Variants in CHRM3 observed in about 807,000 individuals in gnomAD.
CHRM3 encodes the protein cholinergic receptor muscarinic 3.
A neutral mutation model predicts 41.8 loss-of-function variants in CHRM3; 11 were observed. That is an observed-to-expected ratio of 0.26 (90% CI 0.17 to 0.44). CHRM3 has a LOEUF of 0.44. Among genes scored for constraint, CHRM3 ranks in the 20% least tolerant of loss-of-function variants. The pLI is 1.00. For synonymous variants in CHRM3, 297 were observed against 301.4 expected, an observed-to-expected ratio of 0.99 and a Z score of 0.15; for missense variants, 571 against 745.4, an observed-to-expected ratio of 0.77 and a Z score of 2.72.
At chr1:239,534,768 T>C (rs971856002) in intron 2 of CHRM3, among the ~76,000 whole-genome samples, 21 of 152,206 alleles carry the variant, frequency 1.4e-4, no homozygotes, top group South Asian at 2.1e-4. Context: ...CATGGAACAT[T>C]TAGTATTTTA....
At chr1:239,561,328 G>A (rs557352075) in intron 3 of CHRM3, among the ~76,000 whole-genome samples, 1 of 152,252 alleles carries the variant, frequency 6.6e-6, no homozygotes, top group South Asian at 2.1e-4. Flanking sequence ...AGCCCTGTAT[G>A]GCCATTGCCC....
At position 239,841,322 on chromosome 1, in the gene CHRM3, T is replaced by A. The variant is rs537095903; in HGVS notation, c.-20+13944T>A. Among the ~76,000 whole-genome samples, 7 of 152,272 alleles carry A rather than the reference T, an allele frequency of 4.6e-5. No individual in the cohort carries two copies. In the South Asian group the frequency reaches 1.5e-3, roughly 32 times the overall value. ...ACTGTGAGCTAGTATGCTCTGGAGATGAATTTAAAAGGGATGTGGGATTTG... is the reference window on the plus strand; with the variant it reads ...ACTGTGAGCTAGTATGCTCTGGAGAAGAATTTAAAAGGGATGTGGGATTTG... On this transcript the variant is annotated intron_variant, in intron 6 of 6. Coordinates refer to ENST00000676153, the MANE Select transcript of CHRM3 (RefSeq NM_001375978.1).
chr1:239,909,336 C>A lies in CHRM3; in HGVS notation c.*112C>A. The A allele has an allele frequency of 9.0e-7, 1 of 1,112,286 alleles. No homozygotes were observed. The highest frequency in any genetic ancestry group is 1.3e-6 in the Non-Finnish European group (1 of 789,216). 68.9% of individuals were successfully genotyped at this position (1,112,286 alleles called of 1,614,324 possible). A position where few individuals can be genotyped will look rare whatever the true frequency, so the allele number is the denominator to read the frequency against. The stretch of plus-strand genomic sequence containing the variant: ...GGTGATGATAAAAATGGTTTTATCA[C>A]CCAGATGTGAAAGAAGCTGCCTGTT... On this transcript the variant is annotated 3_prime_UTR_variant, in exon 7 of 7. Coordinates refer to ENST00000676153, the MANE Select transcript of CHRM3 (RefSeq NM_001375978.1).
Position 239,910,317 on chromosome 1 carries a change from G to GTATATA in CHRM3, c.*1094_*1095insATATAT, listed in dbSNP as rs200869434. On this transcript the variant is annotated 3_prime_UTR_variant, in exon 7 of 7. Transcript: ENST00000676153. ...GTCATACACAGCAATATATATATAT[G>GTATATA]TGTATATATATATATATGGCAAAGC... The GTATATA allele has an allele frequency of 3.1e-5, 4 of 127,358 alleles. No individual in the cohort carries two copies. The East Asian group carries it at 8.0e-4, about 26-fold the overall frequency. 7.9% of individuals were successfully genotyped at this position (127,358 alleles called of 1,614,324 possible). A position where few individuals can be genotyped will look rare whatever the true frequency, so the allele number is the denominator to read the frequency against.
At chr1:239,402,884 T>C (rs1660095828) in intron 1 of CHRM3, among the ~76,000 whole-genome samples, 1 of 152,204 alleles carries the variant, frequency 6.6e-6, no homozygotes, top group African/African-American at 2.4e-5. Flanking sequence ...ATCACTTCAT[T>C]TGAGTGGATT....
At chr1:239,868,475 G>C (rs1174304933) in intron 6 of CHRM3, among the ~76,000 whole-genome samples, 1 of 152,018 alleles carries the variant, frequency 6.6e-6, no homozygotes, top group Non-Finnish European at 1.5e-5. Flanking sequence ...GACCTTTGAT[G>C]ATGACTGAGA....
rs772447084 is a variant in CHRM3 at position 239,910,740 on chromosome 1, G to A, written c.*1516G>A. 1 of 165,904 alleles carries A rather than the reference G, an allele frequency of 6.0e-6. No homozygotes were observed. Among genetic ancestry groups the A allele is most frequent in the Non-Finnish European group, 1.5e-5 (1 of 67,970 alleles). 10.3% of individuals were successfully genotyped at this position (165,904 alleles called of 1,614,324 possible). A position where few individuals can be genotyped will look rare whatever the true frequency, so the allele number is the denominator to read the frequency against. On this transcript the variant is annotated 3_prime_UTR_variant, in exon 7 of 7. Coordinates refer to ENST00000676153, the MANE Select transcript of CHRM3 (RefSeq NM_001375978.1). ...TCCTGTTGCCGGGGCTGTTTGGGGA[G>A]AGGGAGGGGAGGGAGGTGGGAGGGC...
chr1:239,656,167 G>C (rs113076690), intron 4 of CHRM3, among the ~76,000 whole-genome samples: 14 of 125,166 alleles, frequency 1.1e-4, no homozygotes, highest in Admixed American at 1.0e-3. Flanking sequence ...AGGGAAGGAA[G>C]GGGGGGAAAG....
intron 5 of CHRM3, among the ~76,000 whole-genome samples, chr1:239,821,407 T>A (rs1031222820): frequency 6.6e-6 from 1 of 152,174 alleles, no homozygotes; most frequent in East Asian, 1.9e-4. Context: ...TACTTTGACA[T>A]CAATGCTGGT....
chr1:239,891,373 C>G (rs1439843117), intron 6 of CHRM3, among the ~76,000 whole-genome samples: 1 of 152,050 alleles, frequency 6.6e-6, no homozygotes, highest in African/African-American at 2.4e-5. Flanking sequence ...ATAAATCTTT[C>G]CATTTGCATT....
chr1:239,803,485 A>T (rs900377633), intron 5 of CHRM3, among the ~76,000 whole-genome samples: 1 of 152,168 alleles, frequency 6.6e-6, no homozygotes, highest in Non-Finnish European at 1.5e-5. Context: ...AAATATGTGT[A>T]TTTCCCAGGA....
At position 239,416,930 on chromosome 1, in the gene CHRM3, G is replaced by A. The variant is rs181443645; in HGVS notation, c.-521+29703G>A. The stretch of plus-strand genomic sequence containing the variant: ...TAGGGAGGAACATGATAGCAAAGAT[G>A]GCCTGTCAGTTTCATGGACTGAGTA... On this transcript the variant is annotated intron_variant, in intron 1 of 6. Coordinates refer to ENST00000676153, the MANE Select transcript of CHRM3 (RefSeq NM_001375978.1). Among the ~76,000 whole-genome samples the A allele has an allele frequency of 2.6e-3, 391 of 152,252 alleles. 2 individuals are homozygous for A. Among genetic ancestry groups the A allele is most frequent in the Non-Finnish European group, 4.2e-3 (284 of 68,012 alleles).
chr1:239,892,503 T>A (rs1194493570), intron 6 of CHRM3, among the ~76,000 whole-genome samples: 1 of 152,238 alleles, frequency 6.6e-6, no homozygotes, highest in African/African-American at 2.4e-5. Flanking sequence ...CATCTTAAAC[T>A]TCATTGCAAT....
chr1:239,882,063 G>A (rs985320629), intron 6 of CHRM3, among the ~76,000 whole-genome samples: 2 of 151,970 alleles, frequency 1.3e-5, no homozygotes, highest in Admixed American at 6.6e-5. Context: ...CCGCCACCAT[G>A]CCCCGCTAAT....
At chr1:239,564,969 G>C (rs1255884877) in intron 3 of CHRM3, among the ~76,000 whole-genome samples, 1 of 152,168 alleles carries the variant, frequency 6.6e-6, no homozygotes, top group African/African-American at 2.4e-5. Flanking sequence ...TGTCCCCGGA[G>C]GCTCCAGGGG....
intron 2 of CHRM3, among the ~76,000 whole-genome samples, chr1:239,538,569 T>C (rs542231125): frequency 1.6e-4 from 24 of 152,378 alleles, no homozygotes; most frequent in African/African-American, 5.5e-4. Context: ...TTGTAAATTA[T>C]ATATTTTAAA....
intron 5 of CHRM3, among the ~76,000 whole-genome samples, chr1:239,798,893 A>T (rs1669994678): frequency 6.6e-6 from 1 of 152,208 alleles, no homozygotes; most frequent in African/African-American, 2.4e-5. Context: ...TCCTAGGGGA[A>T]AACTGAGATT....
At chr1:239,841,539 T>C (rs572614516) in intron 6 of CHRM3, among the ~76,000 whole-genome samples, 2 of 152,302 alleles carry the variant, frequency 1.3e-5, no homozygotes, top group East Asian at 3.9e-4. Context: ...AAATTGTTTT[T>C]CTGCCATGAA....
chr1:239,764,860 G>T (rs1215451080), intron 5 of CHRM3, among the ~76,000 whole-genome samples: 1 of 152,218 alleles, frequency 6.6e-6, no homozygotes, highest in Admixed American at 6.5e-5. Flanking sequence ...GTACTGTTCA[G>T]TGAGCCAGAA....
Sources: allele counts gnomAD v4.1 joint callset (sites outside exome capture counted in the v4.1 genomes callset), GRCh38; gene constraint gnomAD v4.1.1; transcripts MANE v1.5; gene names NCBI Gene and HGNC (gene_info 2026-07-23, HGNC 2026-07-21).